The following MAGI2 variants were observed in gnomAD, a reference collection of about 807,000 sequenced individuals.
MAGI2 encodes the protein membrane associated guanylate kinase, WW and PDZ domain containing 2, also known as membrane-associated guanylate kinase, WW and PDZ domain-containing protein 2.
MAGI2 carries 35 observed loss-of-function variants against 133.3 expected under a neutral mutation model. The ratio of observed to expected loss-of-function variants is 0.26; its 90% CI spans 0.20 to 0.35. The LOEUF is 0.35. MAGI2 is among the 10% of genes least tolerant of loss of function. The pLI is 1.00. For missense variants in MAGI2, 1,636 were observed against 1,863.4 expected, an observed-to-expected ratio of 0.88 and a Z score of 2.25; for synonymous variants, 729 against 710.6, an observed-to-expected ratio of 1.03 and a Z score of -0.41.
At chr7:78,241,570 T>G (rs1382077296) in intron 10 of MAGI2, among the ~76,000 whole-genome samples, 1 of 152,198 alleles carries the variant, frequency 6.6e-6, no homozygotes, top group African/African-American at 2.4e-5. Context: ...TGAATTTTAA[T>G]ACATATACCA....
intron 1 of MAGI2, among the ~76,000 whole-genome samples, chr7:79,179,330 A>T (rs1826405608): frequency 6.6e-6 from 1 of 151,976 alleles, no homozygotes; most frequent in Non-Finnish European, 1.5e-5. Context: ...CCACAATTTC[A>T]AGATGTAGAA....
At chr7:78,565,351 G>A (rs1800838285) in intron 3 of MAGI2, among the ~76,000 whole-genome samples, 1 of 151,782 alleles carries the variant, frequency 6.6e-6, no homozygotes, top group South Asian at 2.1e-4. Flanking sequence ...TGTAGTCCTA[G>A]CTACTTGGGA....
intron 2 of MAGI2, among the ~76,000 whole-genome samples, chr7:78,709,270 C>A (rs1563388063): frequency 6.6e-6 from 1 of 151,838 alleles, no homozygotes; most frequent in Non-Finnish European, 1.5e-5. Context: ...TCCCCACCTG[C>A]AACATACACA....
At chr7:78,599,726 C>T (rs1160393636) in intron 3 of MAGI2, among the ~76,000 whole-genome samples, 1 of 152,168 alleles carries the variant, frequency 6.6e-6, no homozygotes. Context: ...ATTTCCTGCA[C>T]TAGGTCTCAG....
intron 1 of MAGI2, among the ~76,000 whole-genome samples, chr7:79,357,535 C>T (rs1330104792): frequency 6.6e-6 from 1 of 152,084 alleles, no homozygotes; most frequent in Non-Finnish European, 1.5e-5. Flanking sequence ...ATTTTAGATA[C>T]AAAAAATAAA....
chr7:78,539,796 G>T (rs531796955), intron 3 of MAGI2, among the ~76,000 whole-genome samples: 12 of 152,198 alleles, frequency 7.9e-5, no homozygotes, highest in South Asian at 2.1e-4. Context: ...GGCAGAGGTA[G>T]CAAGGGAGTG....
At chr7:79,266,655 A>C (rs1322927025) in intron 1 of MAGI2, among the ~76,000 whole-genome samples, 1 of 152,180 alleles carries the variant, frequency 6.6e-6, no homozygotes, top group African/African-American at 2.4e-5. Flanking sequence ...ATGACATGGC[A>C]ACATTTTTCT....
At chr7:78,301,416 G>T (rs1204713528) in intron 9 of MAGI2, among the ~76,000 whole-genome samples, 1 of 152,166 alleles carries the variant, frequency 6.6e-6, no homozygotes, top group African/African-American at 2.4e-5. Flanking sequence ...TTCCCCAGAG[G>T]AACAATGTGC....
chr7:79,337,519 G>A (rs1398083946), intron 1 of MAGI2, among the ~76,000 whole-genome samples: 1 of 152,192 alleles, frequency 6.6e-6, no homozygotes, highest in Non-Finnish European at 1.5e-5. Context: ...GATGCACTCA[G>A]ATTTGAATGA....
intron 20 of MAGI2, among the ~76,000 whole-genome samples, chr7:78,108,835 C>T (rs1031033593): frequency 6.6e-6 from 1 of 151,770 alleles, no homozygotes; most frequent in South Asian, 2.1e-4. Flanking sequence ...CTTCCCAAAC[C>T]TAGAGGAAGA....
intron 1 of MAGI2, among the ~76,000 whole-genome samples, chr7:79,280,406 AG>A (rs1014266442): frequency 1.3e-5 from 2 of 152,158 alleles, no homozygotes; most frequent in African/African-American, 4.8e-5. Flanking sequence ...TACCTATCCA[AG>A]TCCAATGGAA....
rs142406731 is a variant in MAGI2 at position 78,521,518 on chromosome 7, G to C, written c.666C>G (p.Ser222Arg). 1.9e-6 allele frequency: 3 copies of C among 1,614,000 alleles called. No individual in the cohort carries two copies. Among genetic ancestry groups the C allele is most frequent in the Non-Finnish European group, 2.5e-6 (3 of 1,179,988 alleles). Reference sequence around the variant, plus strand: ...GCTCTATACTGGCTTTCTCCATGTTGCTCACTGATTTATTCCTCTTCCGTT... The same window carrying C: ...GCTCTATACTGGCTTTCTCCATGTTCCTCACTGATTTATTCCTCTTCCGTT... The part of the protein sequence containing the change: ...EGKRKRNKSV[S>R]NMEKASIEPP... Residue 222 changes from serine to arginine, a missense_variant, in exon 4 of 22, where the codon AGC becomes AGG. By Grantham distance (110) the Ser-to-Arg change is moderately radical (BLOSUM62 -1). Around this residue, in one of 5 missense-constraint regions of MAGI2, gnomAD observed 165 missense variants for 128.4 expected, o/e 1.28. Transcript: ENST00000354212.
intron 2 of MAGI2, among the ~76,000 whole-genome samples, chr7:78,647,694 C>A (rs1422216010): frequency 2.0e-5 from 3 of 152,144 alleles, no homozygotes; most frequent in African/African-American, 7.2e-5. Context: ...CACACATGCA[C>A]ACATATGTTT....
intron 8 of MAGI2, chr7:78,345,712 T>G (rs764890272): frequency 2.1e-5 from 13 of 614,072 alleles, no homozygotes; most frequent in African/African-American, 3.7e-5. Context: ...TACATTCCTA[T>G]AAAGTACTGC....
At chr7:78,704,778 C>CTTTTTTTTTTTTCCT (rs1563380710) in intron 2 of MAGI2, among the ~76,000 whole-genome samples, 23 of 47,342 alleles carry the variant, frequency 4.9e-4, no homozygotes, top group South Asian at 1.9e-3. Flanking sequence ...GGCCATTATT[C>CTTTTTTTTTTTTCCT]TTTTTTTTTT....
intron 6 of MAGI2, among the ~76,000 whole-genome samples, chr7:78,488,889 C>T (rs1187023608): frequency 6.6e-6 from 1 of 151,898 alleles, no homozygotes; most frequent in Non-Finnish European, 1.5e-5. Context: ...TTTTTAAAAA[C>T]TTTGTTTAAC....
intron 1 of MAGI2, among the ~76,000 whole-genome samples, chr7:79,211,637 T>C (rs952575799): frequency 6.6e-6 from 1 of 151,914 alleles, no homozygotes; most frequent in Non-Finnish European, 1.5e-5. Context: ...AGAAAGATTA[T>C]AGGCAATTTT....
In MAGI2 at chr7:78,610,860, G is replaced by A. The variant is rs140306889; in HGVS notation, c.538+16260C>T. Among the ~76,000 whole-genome samples, 381 of 152,252 alleles carry A rather than the reference G, an allele frequency of 2.5e-3. 2 individuals are homozygous for A. The highest frequency in any genetic ancestry group is 0.024 in the Middle Eastern group (7 of 294). ...AAGCGAGTCATCCCGTTTTGGAAAG[G>A]GAAATAGGGTAAATCTAGACTTTAT... On this transcript the variant is annotated intron_variant, in intron 3 of 21. Transcript: ENST00000354212.
chr7:79,114,613 C>T (rs957393594), intron 1 of MAGI2, among the ~76,000 whole-genome samples: 1 of 152,190 alleles, frequency 6.6e-6, no homozygotes, highest in African/African-American at 2.4e-5. Context: ...AATCTACCAA[C>T]ATTCTGTAAG....
Sources: allele counts gnomAD v4.1 joint callset (sites outside exome capture counted in the v4.1 genomes callset), GRCh38; gene constraint gnomAD v4.1.1; regional missense constraint gnomAD v4.1.1; transcripts MANE v1.5; gene names NCBI Gene and HGNC (gene_info 2026-07-23, HGNC 2026-07-21).